The following ETV5 variants were observed in gnomAD, a reference collection of about 807,000 sequenced individuals.
The protein encoded by ETV5 is ETS translocation variant 5.
Under a neutral mutation model 70.0 loss-of-function variants are expected in ETV5, and 10 were observed. That is an observed-to-expected ratio of 0.14 (90% CI 0.09 to 0.24). The LOEUF is 0.24. Ranked by LOEUF, ETV5 falls within the 10% of genes least tolerant of loss-of-function variation. The pLI is 1.00. For missense variants in ETV5, 453 were observed against 651.2 expected (o/e 0.70, Z 3.31); for synonymous variants, 216 against 242.2 (o/e 0.89, Z 1.01).
rs78294843 is a variant in ETV5 at position 186,082,083 on chromosome 3, G to A, written c.233-908C>T. Among the ~76,000 whole-genome samples, 961 of 152,314 alleles carry A rather than the reference G, an allele frequency of 6.3e-3. 31 individuals are homozygous for A. Among genetic ancestry groups the A allele is most frequent in the East Asian group, 0.057 (297 of 5,188 alleles). On this transcript the variant is annotated intron_variant, in intron 5 of 12. Transcript: ENST00000306376. ...ATAAACCCAAAGAACAAAAAACCGA[G>A]TTTGCCTTTTCTGTCTTCTCTAGGA...
chr3:186,079,987 T>A lies in ETV5; in HGVS notation c.480A>T (p.Ser160=). ...CTGGGCCAGCTGCAGGGGCATGCCC[T>A]GAGGTGGGCAGAGTTGCCTGAGGTG... ...FPPPQATLPT[S]GHAPAAGPVQ... Residue 160 remains serine (S), a synonymous_variant, in exon 7 of 13, where the codon TCA becomes TCT. Transcript: ENST00000306376. 1.3e-6 allele frequency: 2 copies of A among 1,549,662 alleles called. No homozygotes were observed. Among genetic ancestry groups the A allele is most frequent in the Non-Finnish European group, 1.7e-6 (2 of 1,154,934 alleles).
At chr3:186,077,806 C>T (rs889528567) in intron 7 of ETV5, among the ~76,000 whole-genome samples, 2 of 152,182 alleles carry the variant, frequency 1.3e-5, no homozygotes, top group African/African-American at 4.8e-5. Flanking sequence ...TGTTTGTAAT[C>T]GATTTGGTCA....
At chr3:186,101,450 A>C (rs781511017) in intron 5 of ETV5, among the ~76,000 whole-genome samples, 1 of 147,264 alleles carries the variant, frequency 6.8e-6, no homozygotes, top group Non-Finnish European at 1.5e-5. Flanking sequence ...TAAATATGTC[A>C]GTTTTTTATA....
intron 9 of ETV5, among the ~76,000 whole-genome samples, chr3:186,061,968 C>A (rs534009504): frequency 6.6e-6 from 1 of 152,352 alleles, no homozygotes; most frequent in African/African-American, 2.4e-5. Flanking sequence ...CTCACAAAAA[C>A]CGGCAGCAGA....
At chr3:186,076,580 G>A (rs185777142) in intron 7 of ETV5, 6 of 184,174 alleles carry the variant, frequency 3.3e-5, no homozygotes, top group East Asian at 8.8e-5. Context: ...GGTGTGTGCC[G>A]CCATGTGTGG....
chr3:186,061,831 G>T (rs1713311331), intron 9 of ETV5, among the ~76,000 whole-genome samples: 1 of 152,088 alleles, frequency 6.6e-6, no homozygotes, highest in South Asian at 2.1e-4. Context: ...GAGCTTAAAA[G>T]CCCGATTATC....
At chr3:186,076,080 GA>G (rs996858590) in intron 7 of ETV5, among the ~76,000 whole-genome samples, 1 of 152,136 alleles carries the variant, frequency 6.6e-6, no homozygotes, top group Non-Finnish European at 1.5e-5. Flanking sequence ...AAGGCTGAAG[GA>G]AAAAACATTT....
Position 186,048,650 on chromosome 3 carries a change from A to C in ETV5, c.1522T>G (p.Phe508Val), listed in dbSNP as rs755924359. ...RCSSLPYAEG[F>V]AY ...CGCCACTCAGAAACTTAGTAAGCAA[A>C]GCCTTCGGCATAGGGGAGGCTGCTG... Residue 508 changes from phenylalanine (F) to valine (V), a missense_variant, in exon 13 of 13, where the codon TTT becomes GTT. Physicochemically the swap from Phe to Val is conservative, Grantham distance 50. This residue lies in a region of ETV5 where 74 missense variants were observed against 95.2 expected (regional missense o/e 0.78). Coordinates refer to ENST00000306376, the MANE Select transcript of ETV5 (RefSeq NM_004454.3). The C allele has an allele frequency of 6.2e-7, 1 of 1,614,126 alleles. No individual in the cohort carries two copies. The highest frequency in any genetic ancestry group is 1.3e-5 in the African/African-American group (1 of 75,050).
chr3:186,098,925 C>T (rs557871200), intron 5 of ETV5, among the ~76,000 whole-genome samples: 2 of 152,252 alleles, frequency 1.3e-5, no homozygotes, highest in East Asian at 1.9e-4. Context: ...TCCTTCTGAC[C>T]ACAGAATCCC....
Position 186,048,511 on chromosome 3 carries a change from G to T in ETV5, c.*128C>A. The T allele has an allele frequency of 1.2e-6, 1 of 816,596 alleles. No homozygotes were observed. Among genetic ancestry groups the T allele is most frequent in the Non-Finnish European group, 2.0e-6 (1 of 504,352 alleles). 50.6% of individuals were successfully genotyped at this position (816,596 alleles called of 1,614,324 possible). A position where few individuals can be genotyped will look rare whatever the true frequency, so the allele number is the denominator to read the frequency against. On this transcript the variant is annotated 3_prime_UTR_variant, in exon 13 of 13. Coordinates refer to ENST00000306376, the MANE Select transcript of ETV5 (RefSeq NM_004454.3). ...AAGGGTGCCAATCCAGAGACAGCTT[G>T]GGTTCTCCAGATAATACTCAAAGGG...
At chr3:186,103,445 G>A (rs1289068147) in intron 5 of ETV5, among the ~76,000 whole-genome samples, 1 of 152,036 alleles carries the variant, frequency 6.6e-6, no homozygotes, top group Non-Finnish European at 1.5e-5. Flanking sequence ...TAACTCTTTT[G>A]GGTTACAGAG....
chr3:186,051,083 G>T (rs1713017311), intron 12 of ETV5, among the ~76,000 whole-genome samples: 1 of 152,196 alleles, frequency 6.6e-6, no homozygotes, highest in South Asian at 2.1e-4. Context: ...GACCAGACTG[G>T]GAACAGCCTC....
At chr3:186,106,810 A>T (rs1271131597) in intron 1 of ETV5, 5 of 314,792 alleles carry the variant, frequency 1.6e-5, no homozygotes, top group Non-Finnish European at 2.3e-5. Flanking sequence ...TGGGGTTAGA[A>T]GGGAGAAAAC....
At chr3:186,049,062 A>G (rs1712955620) in intron 12 of ETV5, among the ~76,000 whole-genome samples, 1 of 152,188 alleles carries the variant, frequency 6.6e-6, no homozygotes, top group East Asian at 1.9e-4. Context: ...AAAAAAGAAG[A>G]TATCTGAATT....
Position 186,047,507 on chromosome 3 carries a change from T to C in ETV5, c.*1132A>G, listed in dbSNP as rs1017125735. On this transcript the variant is annotated 3_prime_UTR_variant, in exon 13 of 13. Coordinates refer to ENST00000306376, the MANE Select transcript of ETV5 (RefSeq NM_004454.3). ...TCCAAAGGACATGACACATGTTATA[T>C]ACATATGCTTTCCAGAGAGGGCATG... 3 of 232,278 alleles carry C rather than the reference T, an allele frequency of 1.3e-5. No individual in the cohort carries two copies. Among genetic ancestry groups the C allele is most frequent in the Non-Finnish European group, 2.6e-5 (3 of 117,488 alleles). 14.4% of individuals were successfully genotyped at this position (232,278 alleles called of 1,614,324 possible).
chr3:186,062,450 G>A (rs1323757648), intron 9 of ETV5, among the ~76,000 whole-genome samples: 3 of 152,100 alleles, frequency 2.0e-5, no homozygotes, highest in Admixed American at 6.5e-5. Context: ...GTGAAACCCC[G>A]TCTCTACTAA....
In ETV5 at chr3:186,064,437, T is replaced by A. The variant is rs764956136; in HGVS notation, c.950A>T (p.Tyr317Phe). ...NCQSSYMRGG[Y>F]FSSSHEGFSY... ...CTTACCTTCATGGCTGCTGGAGAAATAACCCCCTCTCATGTAGGATGACTG... is the reference window on the plus strand; with the variant it reads ...CTTACCTTCATGGCTGCTGGAGAAAAAACCCCCTCTCATGTAGGATGACTG... The change falls in exon 9 of 13, where the codon TAT (tyrosine) becomes TTT (phenylalanine). Residue 317 changes from tyrosine (Y) to phenylalanine (F), a missense_variant. Transcript: ENST00000306376. The A allele has an allele frequency of 2.5e-6, 4 of 1,613,878 alleles. No homozygotes were observed. In the South Asian group the frequency reaches 4.4e-5, roughly 18 times the overall value.
At chr3:186,086,093 G>A (rs550351747) in intron 5 of ETV5, among the ~76,000 whole-genome samples, 2 of 152,242 alleles carry the variant, frequency 1.3e-5, no homozygotes, top group South Asian at 2.1e-4. Context: ...TGAGCTGTCT[G>A]GACCCCTATT....
At chr3:186,096,143 TTC>T (rs1224384645) in intron 5 of ETV5, among the ~76,000 whole-genome samples, 2 of 152,128 alleles carry the variant, frequency 1.3e-5, no homozygotes, top group Non-Finnish European at 2.9e-5. Context: ...AGAAATAAAA[TTC>T]CATGGCTGCT....
Sources: allele counts gnomAD v4.1 joint callset (sites outside exome capture counted in the v4.1 genomes callset), GRCh38; gene constraint gnomAD v4.1.1; regional missense constraint gnomAD v4.1.1; transcripts MANE v1.5; gene names NCBI Gene and HGNC (gene_info 2026-07-23, HGNC 2026-07-21).